Variants in UVRAG observed in about 807,000 individuals in gnomAD.
UVRAG encodes the protein UV radiation resistance associated.
A neutral mutation model predicts 78.0 loss-of-function variants in UVRAG; 19 were observed. The ratio of observed to expected loss-of-function variants is 0.24; its 90% CI spans 0.17 to 0.36. UVRAG has a LOEUF of 0.36. Among genes scored for constraint, UVRAG ranks in the 10% least tolerant of loss-of-function variants. The probability of loss-of-function intolerance (pLI) is 1.00; values close to 1 mark genes in which losing one functional copy is unlikely to be tolerated. For synonymous variants in UVRAG, 323 were observed against 324.6 expected (o/e 1.00, Z 0.05); for missense variants, 740 against 853.8 (o/e 0.87, Z 1.66).
chr11:75,892,023 T>G (rs1457734855), intron 5 of UVRAG, among the ~76,000 whole-genome samples: 1 of 152,214 alleles, frequency 6.6e-6, no homozygotes, highest in Non-Finnish European at 1.5e-5. Flanking sequence ...TAAAAGAGTT[T>G]GCTGTGACTA....
chr11:75,974,351 CTTTTTTTTTTTT>C (rs1188190094), intron 7 of UVRAG, among the ~76,000 whole-genome samples: 20 of 83,712 alleles, frequency 2.4e-4, no homozygotes, highest in Admixed American at 1.3e-3. Context: ...TAAATGTCTT[CTTTTTTTTTTTT>C]TTTTTTTTTT....
intron 6 of UVRAG, among the ~76,000 whole-genome samples, chr11:75,928,076 T>G (rs150984015): frequency 4.5e-4 from 68 of 152,050 alleles, no homozygotes; most frequent in Admixed American, 1.2e-3. Context: ...CACTCTAGTC[T>G]GGCCAACAAA....
chr11:76,123,451 C>G (rs1029166654), intron 14 of UVRAG, among the ~76,000 whole-genome samples: 2 of 152,134 alleles, frequency 1.3e-5, no homozygotes, highest in Non-Finnish European at 2.9e-5. Flanking sequence ...GGTGAGTAGC[C>G]TAAAGCATAT....
At chr11:76,114,552 T>C (rs1468022832) in intron 13 of UVRAG, among the ~76,000 whole-genome samples, 3 of 152,210 alleles carry the variant, frequency 2.0e-5, no homozygotes, top group African/African-American at 7.2e-5. Context: ...GCTGAAATAA[T>C]ATTCAAGATA....
intron 5 of UVRAG, among the ~76,000 whole-genome samples, chr11:75,898,976 G>A (rs541203003): frequency 1.1e-4 from 17 of 152,100 alleles, no homozygotes; most frequent in Non-Finnish European, 1.9e-4. Context: ...CCCAAGTAAA[G>A]CCAATATTTT....
At chr11:75,939,475 C>T (rs1180454168) in intron 6 of UVRAG, among the ~76,000 whole-genome samples, 1 of 152,038 alleles carries the variant, frequency 6.6e-6, no homozygotes, top group Non-Finnish European at 1.5e-5. Flanking sequence ...GAGTTTTGAA[C>T]CATATATTTT....
intron 3 of UVRAG, among the ~76,000 whole-genome samples, chr11:75,862,215 T>G (rs1358176360): frequency 2.0e-5 from 3 of 152,240 alleles, no homozygotes; most frequent in Non-Finnish European, 4.4e-5. Flanking sequence ...TTCTGATTAT[T>G]TCACTCGCCA....
At chr11:75,875,331 T>C (rs1284693912) in intron 3 of UVRAG, among the ~76,000 whole-genome samples, 1 of 152,208 alleles carries the variant, frequency 6.6e-6, no homozygotes, top group Non-Finnish European at 1.5e-5. Context: ...TGTCTGAAAA[T>C]GTATTCATTT....
At chr11:75,849,530 T>C (rs1478289395) in intron 1 of UVRAG, among the ~76,000 whole-genome samples, 2 of 152,158 alleles carry the variant, frequency 1.3e-5, no homozygotes, top group East Asian at 3.9e-4. Flanking sequence ...GAGTAATAGT[T>C]AACCTTGTAG....
At chr11:75,996,245 CAAA>C (rs5792707) in intron 8 of UVRAG, among the ~76,000 whole-genome samples, 6 of 145,790 alleles carry the variant, frequency 4.1e-5, no homozygotes, top group African/African-American at 1.5e-4. Flanking sequence ...GTAACATTTA[CAAA>C]AAAAAAAAAT....
chr11:76,093,713 C>T (rs1951742630), intron 13 of UVRAG, among the ~76,000 whole-genome samples: 1 of 152,084 alleles, frequency 6.6e-6, no homozygotes, highest in African/African-American at 2.4e-5. Context: ...GATTTTGTAT[C>T]CTGAGACTTT....
At chr11:75,951,570 C>T (rs183327879) in intron 6 of UVRAG, among the ~76,000 whole-genome samples, 1 of 152,142 alleles carries the variant, frequency 6.6e-6, no homozygotes, top group African/African-American at 2.4e-5. Flanking sequence ...TTAGTAGACA[C>T]AGTGTTTCTC....
chr11:76,046,635 T>C (rs1950762936), intron 12 of UVRAG, among the ~76,000 whole-genome samples: 1 of 152,110 alleles, frequency 6.6e-6, no homozygotes, highest in Non-Finnish European at 1.5e-5. Flanking sequence ...CCCTAGTGAA[T>C]GGATTGGAGG....
Position 75,959,955 on chromosome 11 carries a change from A to G in UVRAG, c.594-1489A>G, listed in dbSNP as rs185876814. Among the ~76,000 whole-genome samples, 838 of 152,338 alleles carry G rather than the reference A, an allele frequency of 5.5e-3. 4 individuals carry two copies. Among genetic ancestry groups the G allele is most frequent in the Middle Eastern group, 0.01 (3 of 294 alleles). On this transcript the variant is annotated intron_variant, in intron 6 of 14. Transcript: ENST00000356136. ...CCAGTCAGTAGAGCAGTCAGAACAC[A>G]AAACATTTATCGATAAAGTTCACTA...
At chr11:75,856,462 T>A (rs1053226153) in intron 2 of UVRAG, among the ~76,000 whole-genome samples, 1 of 152,072 alleles carries the variant, frequency 6.6e-6, no homozygotes, top group Admixed American at 6.6e-5. Context: ...TTTTATTTAT[T>A]TTTTATGAGA....
intron 13 of UVRAG, among the ~76,000 whole-genome samples, chr11:76,106,052 TAGCAAC>T (rs1951962294): frequency 6.6e-6 from 1 of 152,210 alleles, no homozygotes; most frequent in Non-Finnish European, 1.5e-5. Flanking sequence ...CACATACTTA[TAGCAAC>T]TTAATTCTTA....
chr11:75,861,717 A>G, intron 2 of UVRAG, 29 bp from the exon 3 acceptor site: 1 of 1,544,190 alleles, frequency 6.5e-7, no homozygotes, highest in Non-Finnish European at 8.9e-7. Context: ...CTTTCATATC[A>G]CTTATTGTTC....
At chr11:75,848,579 A>G (rs1180482825) in intron 1 of UVRAG, among the ~76,000 whole-genome samples, 3 of 152,218 alleles carry the variant, frequency 2.0e-5, no homozygotes, top group Admixed American at 6.5e-5. Context: ...ATATCCATGC[A>G]TCTATTATAG....
At chr11:75,980,561 A>G (rs921047615) in intron 7 of UVRAG, among the ~76,000 whole-genome samples, 1 of 152,154 alleles carries the variant, frequency 6.6e-6, no homozygotes, top group African/African-American at 2.4e-5. Context: ...TTCTGGGCAT[A>G]GAGTTGTTTA....
Sources: allele counts gnomAD v4.1 joint callset (sites outside exome capture counted in the v4.1 genomes callset), GRCh38; gene constraint gnomAD v4.1.1; transcripts MANE v1.5; gene names NCBI Gene and HGNC (gene_info 2026-07-23, HGNC 2026-07-21).